METTL15: variants seen among roughly 807,000 people sequenced by gnomAD.
The protein encoded by METTL15 is 12S rRNA N(4)-cytidine methyltransferase METTL15.
Under a neutral mutation model 38.3 loss-of-function variants are expected in METTL15, and 34 were observed. The ratio of observed to expected loss-of-function variants is 0.89; its 90% CI spans 0.68 to 1.18. The LOEUF (loss-of-function observed/expected upper bound fraction) is 1.18. METTL15 is among the 50% of genes most tolerant of loss of function. METTL15 has a pLI of 0.00. For missense variants in METTL15, 438 were observed against 498.4 expected (o/e 0.88, Z 1.15); for synonymous variants, 162 against 170.9 (o/e 0.95, Z 0.41).
intron 3 of METTL15, among the ~76,000 whole-genome samples, chr11:28,179,787 ATAG>A (rs1851216986): frequency 6.6e-6 from 1 of 151,820 alleles, no homozygotes; most frequent in African/African-American, 2.4e-5. Context: ...CATATAGCTA[ATAG>A]TAGAATTATT....
At chr11:28,360,604 A>G (rs981272058) in intron 4 of METTL15, among the ~76,000 whole-genome samples, 2 of 152,152 alleles carry the variant, frequency 1.3e-5, no homozygotes, top group African/African-American at 4.8e-5. Flanking sequence ...GAGGCTCTCT[A>G]GAATCTAGGA....
chr11:28,131,359 G>A (rs907391145), intron 3 of METTL15, among the ~76,000 whole-genome samples: 1 of 152,110 alleles, frequency 6.6e-6, no homozygotes, highest in African/African-American at 2.4e-5. Flanking sequence ...ACCATCTCTA[G>A]CCCAGGTTTA....
At chr11:28,442,925 A>C (rs1048268305) in intron 6 of METTL15, among the ~76,000 whole-genome samples, 1 of 152,222 alleles carries the variant, frequency 6.6e-6, no homozygotes, top group African/African-American at 2.4e-5. Context: ...TGGAGAATGC[A>C]GAAATATGAA....
At chr11:28,179,330 C>CT (rs1851197289) in intron 3 of METTL15, among the ~76,000 whole-genome samples, 1 of 151,662 alleles carries the variant, frequency 6.6e-6, no homozygotes, top group Non-Finnish European at 1.5e-5. Context: ...TAAGTGAAGT[C>CT]TAGAATGCAT....
intron 5 of METTL15, among the ~76,000 whole-genome samples, chr11:28,411,852 G>C (rs992893335): frequency 6.6e-6 from 1 of 151,922 alleles, no homozygotes; most frequent in Non-Finnish European, 1.5e-5. Flanking sequence ...TCTGATGAGG[G>C]GTTAATATCC....
At chr11:28,362,572 G>T (rs1023862231) in intron 5 of METTL15, among the ~76,000 whole-genome samples, 3 of 152,274 alleles carry the variant, frequency 2.0e-5, no homozygotes, top group Middle Eastern at 3.4e-3. Flanking sequence ...CCACTTATAA[G>T]TGACAACATG....
chr11:28,432,703 G>A (rs1850942747), intron 6 of METTL15, among the ~76,000 whole-genome samples: 1 of 152,174 alleles, frequency 6.6e-6, no homozygotes, highest in South Asian at 2.1e-4. Context: ...ATTAAATTAT[G>A]AATTCCATTG....
At chr11:28,188,758 T>G (rs750993784) in intron 3 of METTL15, among the ~76,000 whole-genome samples, 1 of 151,186 alleles carries the variant, frequency 6.6e-6, no homozygotes, top group South Asian at 2.1e-4. Context: ...GTTTTTATTA[T>G]TATTTCCCCA....
intron 6 of METTL15, among the ~76,000 whole-genome samples, chr11:28,468,335 A>G (rs1851274826): frequency 6.6e-6 from 1 of 152,210 alleles, no homozygotes; most frequent in African/African-American, 2.4e-5. Context: ...AGCACCAGGG[A>G]TAAAAACACG....
At chr11:28,265,305 C>A (rs1855368620) in intron 4 of METTL15, among the ~76,000 whole-genome samples, 1 of 151,586 alleles carries the variant, frequency 6.6e-6, no homozygotes, top group Non-Finnish European at 1.5e-5. Context: ...CTCAGCTACT[C>A]AATTAAACTG....
chr11:28,494,571 T>A (rs1186733757), intron 6 of METTL15, among the ~76,000 whole-genome samples: 1 of 152,212 alleles, frequency 6.6e-6, no homozygotes, highest in Non-Finnish European at 1.5e-5. Flanking sequence ...AGATGGAGAA[T>A]GATATGGTTT....
At chr11:28,310,470 T>G (rs1037538298) in intron 6 of METTL15, among the ~76,000 whole-genome samples, 4 of 152,128 alleles carry the variant, frequency 2.6e-5, no homozygotes, top group Admixed American at 2.0e-4. Flanking sequence ...TAATATTTCC[T>G]GCAGTTGGCT....
intron 3 of METTL15, among the ~76,000 whole-genome samples, chr11:28,166,903 C>T (rs939154949): frequency 2.0e-5 from 3 of 152,120 alleles, no homozygotes; most frequent in Admixed American, 6.5e-5. Context: ...GAGTCAAGAT[C>T]GTGCCAGTGC....
At chr11:28,456,327 TG>T (rs1851168591) in intron 6 of METTL15, among the ~76,000 whole-genome samples, 1 of 152,166 alleles carries the variant, frequency 6.6e-6, no homozygotes, top group African/African-American at 2.4e-5. Context: ...CGGTTTCTCC[TG>T]CTTGGTCAGA....
intron 6 of METTL15, among the ~76,000 whole-genome samples, chr11:28,507,929 G>T (rs1041077638): frequency 6.6e-6 from 1 of 152,048 alleles, no homozygotes; most frequent in African/African-American, 2.4e-5. Flanking sequence ...ATTTTTAAAT[G>T]TAAATCAGGT....
chr11:28,484,599 C>T (rs1301457215), intron 6 of METTL15, among the ~76,000 whole-genome samples: 2 of 152,118 alleles, frequency 1.3e-5, no homozygotes, highest in African/African-American at 4.8e-5. Context: ...GCTTTTGGCT[C>T]TGCATCATAG....
At chr11:28,270,841 TG>T (rs1051260083) in intron 4 of METTL15, among the ~76,000 whole-genome samples, 3 of 152,176 alleles carry the variant, frequency 2.0e-5, no homozygotes, top group Admixed American at 2.0e-4. Context: ...TCATAATACC[TG>T]GGTTAGAATC....
At chr11:28,200,561 A>G (rs945368913) in intron 3 of METTL15, among the ~76,000 whole-genome samples, 1 of 152,060 alleles carries the variant, frequency 6.6e-6, no homozygotes, top group South Asian at 2.1e-4. Flanking sequence ...GGTCATCACT[A>G]TTTTCTCACA....
intron 3 of METTL15, among the ~76,000 whole-genome samples, chr11:28,176,633 AG>A (rs1851086254): frequency 6.6e-6 from 1 of 152,158 alleles, no homozygotes; most frequent in Admixed American, 6.6e-5. Flanking sequence ...TTGATTGTAT[AG>A]TATTGCATCA....
Sources: gnomAD v4.1 joint callset for allele counts (sites outside exome capture counted in the v4.1 genomes callset) on GRCh38, gnomAD v4.1.1 for gene constraint, MANE v1.5 for transcripts, NCBI Gene and HGNC (gene_info 2026-07-23, HGNC 2026-07-21) for gene names.